The following CTBP2 variants were observed in gnomAD, a reference collection of about 807,000 sequenced individuals.
CTBP2 encodes the protein C-terminal binding protein 2.
In CTBP2, 30 loss-of-function variants were observed where a neutral mutation model predicts 80.3. That is an observed-to-expected ratio of 0.37 (90% CI 0.28 to 0.51). CTBP2 has a LOEUF of 0.51. Ranked by LOEUF, CTBP2 falls within the 20% of genes least tolerant of loss-of-function variation. CTBP2 has a pLI of 0.93. For synonymous variants in CTBP2, 594 were observed against 587.4 expected (o/e 1.01, Z -0.16); for missense variants, 1,212 against 1,375.3 (o/e 0.88, Z 1.88).
chr10:125,116,107 TCCCTGC>T (rs1398233331), intron 1 of CTBP2, among the ~76,000 whole-genome samples: 1 of 152,012 alleles, frequency 6.6e-6, no homozygotes, highest in Non-Finnish European at 1.5e-5. Context: ...AGAAACCTGG[TCCCTGC>T]CCCAGGGACT....
chr10:125,083,910 G>C (rs953693096), intron 2 of CTBP2, among the ~76,000 whole-genome samples: 4 of 152,168 alleles, frequency 2.6e-5, no homozygotes, highest in Admixed American at 2.6e-4. Context: ...TTCCCGAGTA[G>C]CTGGGATTAG....
intron 2 of CTBP2, among the ~76,000 whole-genome samples, chr10:125,092,176 C>CTTTTTTTTT (rs71029238): frequency 4.6e-5 from 4 of 87,128 alleles, no homozygotes; most frequent in African/African-American, 1.7e-4. Flanking sequence ...TCTGAAGATT[C>CTTTTTTTTT]TTTTTTTTTT....
chr10:125,107,545 GA>G (rs1320341061), intron 2 of CTBP2, among the ~76,000 whole-genome samples: 1 of 152,112 alleles, frequency 6.6e-6, no homozygotes, highest in Non-Finnish European at 1.5e-5. Flanking sequence ...GTTTTTCATG[GA>G]AAAAAGATAT....
rs142562413 is a variant in CTBP2, at chr10:125,003,596, C to T, written c.1679-104G>A. On this transcript the variant is annotated intron_variant, in intron 1 of 8. Transcript: ENST00000309035. The stretch of plus-strand genomic sequence containing the variant: ...TCACTCAGGGCAGGGCTTGGGCAAG[C>T]GAGGGTGGCGGAGCAGCGAGGGCAC... The T allele has an allele frequency of 1.4e-3, 1,315 of 939,848 alleles. 3 individuals are homozygous for T. In the African/African-American group the frequency reaches 0.016, roughly 12 times the overall value. The allele number at this position is 939,848 out of a possible 1,614,324, so 58.2% of individuals were successfully genotyped here. A position where few individuals can be genotyped will look rare whatever the true frequency, so the allele number is the denominator to read the frequency against.
At position 124,989,683 on chromosome 10, in the gene CTBP2, G is replaced by C. The variant is rs201062217; in HGVS notation, c.2793C>G (p.Ile931Met). 1 of 1,583,686 alleles carries C rather than the reference G, an allele frequency of 6.3e-7. No individual in the cohort carries two copies. Residue 931 changes from isoleucine to methionine, a missense_variant, in exon 9 of 9, where the codon ATC (isoleucine) becomes ATG (methionine). Physicochemically the swap from Ile to Met is conservative, Grantham distance 10. Transcript: ENST00000309035. ...GAAGTCCTCCTGGAGCCACACCCAC[G>C]ATGCCTGGCGGATATCTAAGGAACA...
chr10:125,048,359 T>C (rs1305707844), intron 2 of CTBP2, among the ~76,000 whole-genome samples: 1 of 151,934 alleles, frequency 6.6e-6, no homozygotes, highest in Non-Finnish European at 1.5e-5. Flanking sequence ...CTGGAGAAAA[T>C]AAGATCAGCT....
At chr10:125,068,577 C>G (rs914313986) in intron 2 of CTBP2, among the ~76,000 whole-genome samples, 1 of 152,192 alleles carries the variant, frequency 6.6e-6, no homozygotes, top group Non-Finnish European at 1.5e-5. Flanking sequence ...GAGGTGGCAG[C>G]TTTGTCTCTA....
intron 1 of CTBP2, among the ~76,000 whole-genome samples, chr10:125,123,205 T>C (rs1323656715): frequency 6.7e-6 from 1 of 149,392 alleles, no homozygotes; most frequent in Non-Finnish European, 1.5e-5. Flanking sequence ...CTCAAGTGGA[T>C]ATGACTATAA....
intron 1 of CTBP2, among the ~76,000 whole-genome samples, chr10:125,008,307 A>G (rs1368907528): frequency 6.6e-6 from 1 of 152,206 alleles, no homozygotes; most frequent in African/African-American, 2.4e-5. Context: ...ACACCGTAGC[A>G]GTCTCAAGAC....
At chr10:125,031,253 C>CTG (rs1036475531), upstream of CTBP2, among the ~76,000 whole-genome samples, 13 of 152,242 alleles carry the variant, frequency 8.5e-5, no homozygotes, top group African/African-American at 2.6e-4. Flanking sequence ...CTTTGGGAGA[C>CTG]TGAGTGGGGC....
chr10:125,033,070 G>A (rs187060971), upstream of CTBP2, among the ~76,000 whole-genome samples: 1 of 152,294 alleles, frequency 6.6e-6, no homozygotes, highest in Middle Eastern at 3.4e-3. Context: ...CCCAAGTCTC[G>A]GATAAATCTG....
At chr10:124,992,373 T>C (rs566112134) in intron 8 of CTBP2, among the ~76,000 whole-genome samples, 2 of 152,216 alleles carry the variant, frequency 1.3e-5, no homozygotes, top group East Asian at 1.9e-4. Context: ...CAGCTGAGAC[T>C]GCAGGTGTGC....
At chr10:125,102,807 A>C (rs1409566900) in intron 2 of CTBP2, among the ~76,000 whole-genome samples, 1 of 152,200 alleles carries the variant, frequency 6.6e-6, no homozygotes, top group African/African-American at 2.4e-5. Flanking sequence ...TTTGATACAG[A>C]AGCCATCTGA....
At chr10:125,078,900 G>C (rs1179567824) in intron 2 of CTBP2, among the ~76,000 whole-genome samples, 4 of 151,924 alleles carry the variant, frequency 2.6e-5, no homozygotes, top group Non-Finnish European at 5.9e-5. Context: ...CATTCTGGGA[G>C]GCTGAGGCGG....
intron 1 of CTBP2, among the ~76,000 whole-genome samples, chr10:125,023,767 A>T (rs1377815428): frequency 6.6e-6 from 1 of 152,222 alleles, no homozygotes; most frequent in African/African-American, 2.4e-5. Flanking sequence ...GTGGACTGAG[A>T]AAAAGCAAAC....
chr10:124,984,847 T>C lies in CTBP2; in HGVS notation c.*4671A>G. The C allele has an allele frequency of 6.2e-7, 1 of 1,613,988 alleles. No homozygotes were observed. The highest frequency in any genetic ancestry group is 8.5e-7 in the Non-Finnish European group (1 of 1,179,984). ...TGCTGTGTGACGGAGGGGGGAGTTC[T>C]GGTTGCCATGCAGAAGAGTTCTCGG... On this transcript the variant is annotated 3_prime_UTR_variant, in exon 9 of 9. Coordinates refer to ENST00000309035, the MANE Select transcript of CTBP2 (RefSeq NM_022802.3).
At chr10:125,104,987 A>T (rs1851235419) in intron 2 of CTBP2, among the ~76,000 whole-genome samples, 1 of 151,892 alleles carries the variant, frequency 6.6e-6, no homozygotes, top group African/African-American at 2.4e-5. Context: ...CCATTTCCTA[A>T]ATCGTTACTT....
chr10:125,035,347 G>A (rs191180904), intron 3 of CTBP2, among the ~76,000 whole-genome samples: 3 of 152,240 alleles, frequency 2.0e-5, no homozygotes, highest in Admixed American at 2.0e-4. Context: ...TATTTAAGAG[G>A]AGGTCCCTTT....
Position 125,026,741 on chromosome 10 carries a change from C to G in CTBP2, c.1019G>C (p.Arg340Pro). 6.2e-7 allele frequency: 1 copy of G among 1,612,990 alleles called. No homozygotes were observed. The highest frequency in any genetic ancestry group is 8.5e-7 in the Non-Finnish European group (1 of 1,179,956). ...GCTATTGGCCAGGCGGCTCAGAACACGGGCCTGGCCCAGGTTGGGTGCGAC... is the reference window on the plus strand; with the variant it reads ...GCTATTGGCCAGGCGGCTCAGAACAGGGGCCTGGCCCAGGTTGGGTGCGAC... The change falls in exon 1 of 9, where the codon CGT (arginine) becomes CCT (proline). Residue 340 changes from arginine to proline, a missense_variant. Around this residue, in one of 3 missense-constraint regions of CTBP2, gnomAD observed 848 missense variants for 782.3 expected, o/e 1.08. Coordinates refer to ENST00000309035, the MANE Select transcript of CTBP2 (RefSeq NM_022802.3).
Sources: gnomAD v4.1 joint callset for allele counts (sites outside exome capture counted in the v4.1 genomes callset) on GRCh38, gnomAD v4.1.1 for gene constraint, gnomAD v4.1.1 regional missense constraint, MANE v1.5 for transcripts, NCBI Gene and HGNC (gene_info 2026-07-23, HGNC 2026-07-21) for gene names.